The following SMYD3 variants were observed in gnomAD, a reference collection of about 807,000 sequenced individuals.
SMYD3 encodes the protein SET and MYND domain containing 3.
In SMYD3, 36 loss-of-function variants were observed where a neutral mutation model predicts 57.7. The ratio of observed to expected loss-of-function variants is 0.62; its 90% CI spans 0.48 to 0.82. SMYD3 has a LOEUF of 0.82. SMYD3 is among the 40% of genes least tolerant of loss of function. The probability of loss-of-function intolerance (pLI) is 0.00; values close to 1 mark genes in which losing one functional copy is unlikely to be tolerated. For missense variants in SMYD3, 515 were observed against 538.8 expected, an observed-to-expected ratio of 0.96 and a Z score of 0.44; for synonymous variants, 211 against 195.0, an observed-to-expected ratio of 1.08 and a Z score of -0.68.
intron 5 of SMYD3, among the ~76,000 whole-genome samples, chr1:246,182,255 C>T (rs1177483792): frequency 6.6e-6 from 1 of 152,108 alleles, no homozygotes; most frequent in Non-Finnish European, 1.5e-5. Context: ...CCACTGAAAA[C>T]CCCTCCTCGC....
At chr1:245,970,853 T>G (rs2058281342) in intron 5 of SMYD3, among the ~76,000 whole-genome samples, 1 of 152,022 alleles carries the variant, frequency 6.6e-6, no homozygotes, top group Non-Finnish European at 1.5e-5. Context: ...CTGGTGGGAG[T>G]GTAAATTAGT....
intron 5 of SMYD3, among the ~76,000 whole-genome samples, chr1:246,139,696 C>T (rs764772368): frequency 6.6e-6 from 1 of 152,022 alleles, no homozygotes; most frequent in Non-Finnish European, 1.5e-5. Context: ...ACAGAAAATC[C>T]AAGATGGTTA....
At chr1:246,210,919 T>C (rs1258466179) in intron 5 of SMYD3, among the ~76,000 whole-genome samples, 1 of 152,080 alleles carries the variant, frequency 6.6e-6, no homozygotes, top group East Asian at 1.9e-4. Flanking sequence ...TGCACTGCTT[T>C]CGGCCCCGCA....
At chr1:245,891,090 G>A (rs566089207) in intron 8 of SMYD3, among the ~76,000 whole-genome samples, 6 of 152,310 alleles carry the variant, frequency 3.9e-5, no homozygotes, top group African/African-American at 9.6e-5. Context: ...GGGCAAGGGA[G>A]GGAACGGGGG....
At chr1:245,862,877 C>A (rs1203224711) in intron 9 of SMYD3, among the ~76,000 whole-genome samples, 1 of 152,170 alleles carries the variant, frequency 6.6e-6, no homozygotes, top group Non-Finnish European at 1.5e-5. Flanking sequence ...TCCTTAGTAA[C>A]CAATCCTAGA....
At chr1:246,282,871 T>G (rs1399000362) in intron 5 of SMYD3, among the ~76,000 whole-genome samples, 2 of 152,198 alleles carry the variant, frequency 1.3e-5, no homozygotes, top group East Asian at 3.8e-4. Context: ...CAGTTGTTAA[T>G]TATCTAAAGT....
intron 5 of SMYD3, among the ~76,000 whole-genome samples, chr1:245,958,507 T>A (rs2057914374): frequency 6.6e-6 from 1 of 152,144 alleles, no homozygotes; most frequent in Admixed American, 6.5e-5. Flanking sequence ...GCTTCATCTA[T>A]CTCCTACTCC....
At chr1:246,489,122 G>A (rs956638085) in intron 1 of SMYD3, among the ~76,000 whole-genome samples, 4 of 152,080 alleles carry the variant, frequency 2.6e-5, no homozygotes, top group Admixed American at 6.6e-5. Context: ...CGAGGCGGGC[G>A]GATCACGAGG....
intron 4 of SMYD3, among the ~76,000 whole-genome samples, chr1:246,329,991 G>C (rs979243473): frequency 6.6e-6 from 1 of 152,152 alleles, no homozygotes; most frequent in African/African-American, 2.4e-5. Flanking sequence ...ATCACAAGAA[G>C]GTGGCTACCT....
At chr1:245,823,135 T>A (rs2049271188) in intron 10 of SMYD3, among the ~76,000 whole-genome samples, 1 of 152,160 alleles carries the variant, frequency 6.6e-6, no homozygotes, top group South Asian at 2.1e-4. Flanking sequence ...GGCCATTGGC[T>A]TCAGAGGAAT....
intron 1 of SMYD3, among the ~76,000 whole-genome samples, chr1:246,476,880 A>C (rs1278515234): frequency 1.3e-5 from 2 of 152,200 alleles, no homozygotes; most frequent in African/African-American, 4.8e-5. Flanking sequence ...GTAAGACACA[A>C]AACTCTTGAC....
intron 5 of SMYD3, among the ~76,000 whole-genome samples, chr1:246,215,522 T>C (rs565546143): frequency 6.6e-6 from 1 of 152,226 alleles, no homozygotes; most frequent in Admixed American, 6.5e-5. Flanking sequence ...TCTTAAGCCC[T>C]AAAGAAAGTT....
chr1:245,935,483 T>C (rs6694134), intron 5 of SMYD3, among the ~76,000 whole-genome samples: 1 of 152,088 alleles, frequency 6.6e-6, no homozygotes, highest in East Asian at 1.9e-4. Flanking sequence ...TGAAAAACTG[T>C]ACAGAAGTTA....
chr1:245,761,555 C>T (rs959540520), intron 11 of SMYD3, among the ~76,000 whole-genome samples: 1 of 152,170 alleles, frequency 6.6e-6, no homozygotes, highest in African/African-American at 2.4e-5. Flanking sequence ...TAAAGCTTCA[C>T]ATAAGAAGCA....
chr1:245,813,001 GCTT>G (rs2048566999), intron 10 of SMYD3, among the ~76,000 whole-genome samples: 2 of 138,438 alleles, frequency 1.4e-5, no homozygotes, highest in African/African-American at 2.7e-5. Context: ...TCATGAGACA[GCTT>G]CTTTTTTTTT....
chr1:246,466,553 A>G (rs2103044253), intron 1 of SMYD3, among the ~76,000 whole-genome samples: 1 of 152,294 alleles, frequency 6.6e-6, no homozygotes, highest in Non-Finnish European at 1.5e-5. Flanking sequence ...GAGGGAGAGG[A>G]TCAGGAAATA....
chr1:246,494,812 T>C (rs1343130312), intron 1 of SMYD3, among the ~76,000 whole-genome samples: 1 of 152,234 alleles, frequency 6.6e-6, no homozygotes, highest in Non-Finnish European at 1.5e-5. Flanking sequence ...TAATTCCTGT[T>C]TGTCCTACCT....
intron 5 of SMYD3, among the ~76,000 whole-genome samples, chr1:246,147,382 C>G (rs751587848): frequency 6.6e-6 from 1 of 152,112 alleles, no homozygotes; most frequent in Non-Finnish European, 1.5e-5. Context: ...TAGAAAACAG[C>G]CCCCATGAAG....
intron 5 of SMYD3, among the ~76,000 whole-genome samples, chr1:246,271,409 T>G (rs1387649126): frequency 1.3e-5 from 2 of 152,218 alleles, no homozygotes; most frequent in Non-Finnish European, 2.9e-5. Flanking sequence ...CCCTATGTTT[T>G]CTAGGAGTTT....
Sources: gnomAD v4.1 joint callset for allele counts (sites outside exome capture counted in the v4.1 genomes callset) on GRCh38, gnomAD v4.1.1 for gene constraint, MANE v1.5 for transcripts, NCBI Gene and HGNC (gene_info 2026-07-23, HGNC 2026-07-21) for gene names.